The following CTNNA2 variants were observed in gnomAD, a reference collection of about 807,000 sequenced individuals.
CTNNA2 encodes catenin alpha-2.
Under a neutral mutation model 101.0 loss-of-function variants are expected in CTNNA2, and 42 were observed. The observed-to-expected ratio is 0.42, with a 90% CI of 0.32 to 0.54. The LOEUF is 0.54. Ranked by LOEUF, CTNNA2 falls within the 20% of genes least tolerant of loss-of-function variation. The pLI is 0.14. For synonymous variants in CTNNA2, 450 were observed against 456.4 expected (o/e 0.99, Z 0.18); for missense variants, 871 against 1,223.1 (o/e 0.71, Z 4.29).
At chr2:79,790,086 C>T (rs528494640) in intron 3 of CTNNA2, among the ~76,000 whole-genome samples, 2 of 152,102 alleles carry the variant, frequency 1.3e-5, no homozygotes, top group Non-Finnish European at 2.9e-5. Flanking sequence ...ATGAGAATCA[C>T]AAATAGTGAT....
intron 1 of CTNNA2, among the ~76,000 whole-genome samples, chr2:79,538,589 C>G (rs1673215649): frequency 6.6e-6 from 1 of 152,020 alleles, no homozygotes; most frequent in Admixed American, 6.6e-5. Context: ...GTGGAAATAG[C>G]AGGTAGGGCT....
chr2:79,341,145 TAGG>T (rs1470420378), intron 3 of CTNNA2, among the ~76,000 whole-genome samples: 1 of 152,064 alleles, frequency 6.6e-6, no homozygotes, highest in African/African-American at 2.4e-5. Flanking sequence ...GTGAGTGAGT[TAGG>T]AACCCAACTC....
At chr2:80,357,265 GT>G (rs1266366709) in intron 7 of CTNNA2, among the ~76,000 whole-genome samples, 34 of 142,202 alleles carry the variant, frequency 2.4e-4, no homozygotes, top group African/African-American at 8.1e-4. Flanking sequence ...GTTTGTTTTT[GT>G]TTTTTTATTT....
chr2:79,709,388 A>C (rs944991147), intron 2 of CTNNA2, among the ~76,000 whole-genome samples: 1 of 152,188 alleles, frequency 6.6e-6, no homozygotes, highest in Non-Finnish European at 1.5e-5. Context: ...GAGTACATGA[A>C]AGATATACCA....
At chr2:79,428,862 C>A (rs911273763) in intron 4 of CTNNA2, among the ~76,000 whole-genome samples, 1 of 152,084 alleles carries the variant, frequency 6.6e-6, no homozygotes, top group African/African-American at 2.4e-5. Flanking sequence ...TATCTCCAAG[C>A]CTGCTAGTTA....
chr2:80,616,174 T>A (rs899265481), intron 17 of CTNNA2, among the ~76,000 whole-genome samples: 9 of 151,648 alleles, frequency 5.9e-5, no homozygotes, highest in African/African-American at 1.2e-4. Flanking sequence ...CTTTGGCAAA[T>A]CTCTTTTGCA....
In CTNNA2 at chr2:79,466,418, G is replaced by GGCCT. The variant is rs567306119; in HGVS notation, c.-134-38627_-134-38624dup. Among the ~76,000 whole-genome samples the GGCCT allele has an allele frequency of 4.0e-3, 606 of 152,348 alleles. 7 individuals carry two copies. Among genetic ancestry groups the GGCCT allele is most frequent in the African/African-American group, 0.014 (573 of 41,584 alleles). ...GGTGGAGCCCACCACAGCTCAAGGA[G>GGCCT]GCCTGCCTGCCTCTGTAGACTCCAC... On this transcript the variant is annotated intron_variant, in intron 4 of 21. Transcript: ENST00000466387.
intron 8 of CTNNA2, among the ~76,000 whole-genome samples, chr2:80,414,960 A>G (rs570504535): frequency 9.9e-5 from 15 of 152,272 alleles, no homozygotes; most frequent in Admixed American, 4.6e-4. Flanking sequence ...CTCCCAGGAA[A>G]TGGCAGTGGT....
At chr2:79,275,651 A>G (rs1675192999) in intron 2 of CTNNA2, among the ~76,000 whole-genome samples, 1 of 152,188 alleles carries the variant, frequency 6.6e-6, no homozygotes, top group East Asian at 1.9e-4. Flanking sequence ...AAATGCAGCT[A>G]TGTAGCATAA....
At chr2:80,345,809 T>G (rs1311912984) in intron 7 of CTNNA2, among the ~76,000 whole-genome samples, 1 of 152,172 alleles carries the variant, frequency 6.6e-6, no homozygotes, top group African/African-American at 2.4e-5. Context: ...CTAAAGCTAA[T>G]GTATCTTCTT....
chr2:79,966,091 T>A (rs1690037783), intron 7 of CTNNA2, among the ~76,000 whole-genome samples: 1 of 151,640 alleles, frequency 6.6e-6, no homozygotes, highest in African/African-American at 2.4e-5. Flanking sequence ...CTATGGTGAG[T>A]TTTTTTAATA....
chr2:79,533,208 T>A (rs566526153), intron 1 of CTNNA2, among the ~76,000 whole-genome samples: 13 of 152,156 alleles, frequency 8.5e-5, no homozygotes, highest in Admixed American at 5.9e-4. Context: ...TTTCTTAGAG[T>A]TATTGTTGTA....
rs1453802541 is a variant in CTNNA2, at chr2:79,721,967, G to T, written c.103-22420G>T. Among the ~76,000 whole-genome samples, 5 of 151,814 alleles carry T rather than the reference G, an allele frequency of 3.3e-5. No individual in the cohort carries two copies. The East Asian group carries it at 7.7e-4, about 23-fold the overall frequency. On this transcript the variant is annotated intron_variant, in intron 2 of 18. Transcript: ENST00000402739. ...GGGCTTGAATTTAAATAAGAACAAA[G>T]AAATAAGAAAAAAAATGAAGCGTGT...
chr2:79,432,425 T>A (rs966129452), intron 4 of CTNNA2, among the ~76,000 whole-genome samples: 6 of 152,240 alleles, frequency 3.9e-5, no homozygotes, highest in African/African-American at 1.4e-4. Flanking sequence ...GGAGAGGGTA[T>A]TTTAACAATG....
At chr2:79,323,432 A>G (rs1318066485) in intron 3 of CTNNA2, among the ~76,000 whole-genome samples, 1 of 152,082 alleles carries the variant, frequency 6.6e-6, no homozygotes, top group Non-Finnish European at 1.5e-5. Context: ...ATAAGAGCTT[A>G]TAACAGTAAG....
rs180960639 is a variant in CTNNA2 at position 79,440,965 on chromosome 2, C to T, written c.-134-64089C>T. Among the ~76,000 whole-genome samples, 714 of 152,262 alleles carry T rather than the reference C, an allele frequency of 4.7e-3. 11 individuals are homozygous for T. Among genetic ancestry groups the T allele is most frequent in the South Asian group, 0.024 (117 of 4,824 alleles). ...TTCCACTTTGCCAAAATACAAACTC[C>T]ACCACTTAATTCATTCAGACAGTTT... is the stretch of plus-strand genomic sequence containing the variant. On this transcript the variant is annotated intron_variant, in intron 4 of 21. Coordinates refer to the CTNNA2 transcript ENST00000466387.
At chr2:79,353,107 C>T (rs1404328007) in intron 3 of CTNNA2, among the ~76,000 whole-genome samples, 1 of 152,174 alleles carries the variant, frequency 6.6e-6, no homozygotes, top group African/African-American at 2.4e-5. Context: ...CACTGGATTG[C>T]AATTCAACAT....
In CTNNA2 at chr2:80,630,618, G is replaced by A. The variant is rs144582950; in HGVS notation, c.2574+11390G>A. ...CGCCGCTACACTCCAGCCTGGCAAC[G>A]GAGCAAGACTCCGTCTCAAAAATAA... On this transcript the variant is annotated intron_variant, in intron 18 of 18. Coordinates refer to ENST00000402739, the MANE Select transcript of CTNNA2 (RefSeq NM_001282597.3). 3.8e-3 allele frequency among the ~76,000 whole-genome samples: 576 copies of A among 152,002 alleles called. 7 individuals carry two copies. The highest frequency in any genetic ancestry group is 0.013 in the African/African-American group (542 of 41,466).
In CTNNA2 at chr2:80,619,117, T is replaced by C; in HGVS notation, c.2463T>C (p.Tyr821=). 1 of 1,542,114 alleles carries C rather than the reference T, an allele frequency of 6.5e-7. No homozygotes were observed. The highest frequency in any genetic ancestry group is 8.8e-7 in the Non-Finnish European group (1 of 1,141,926). The change falls in exon 18 of 19, where the codon TAT becomes TAC. Residue 821 remains tyrosine (Y), a synonymous_variant. Transcript: ENST00000402739. ...TGVQSTFTTF[Y]EVDCDVIDGG... Reference sequence around the variant, plus strand: ...TTCAGAGCACTTTCACTACCTTTTATGAGGTAGATTGTGATGTCATAGATG... The same window carrying C: ...TTCAGAGCACTTTCACTACCTTTTACGAGGTAGATTGTGATGTCATAGATG...
Sources: allele counts gnomAD v4.1 joint callset (sites outside exome capture counted in the v4.1 genomes callset), GRCh38; gene constraint gnomAD v4.1.1; transcripts MANE v1.5; gene names NCBI Gene and HGNC (gene_info 2026-07-23, HGNC 2026-07-21).